The following CTNNA3 variants were observed in gnomAD, a reference collection of about 807,000 sequenced individuals.
The protein encoded by CTNNA3 is catenin alpha 3.
A neutral mutation model predicts 95.7 loss-of-function variants in CTNNA3; 76 were observed. The ratio of observed to expected loss-of-function variants is 0.79; its 90% CI spans 0.66 to 0.96. The LOEUF (loss-of-function observed/expected upper bound fraction) is 0.96. Among genes scored for constraint, CTNNA3 ranks in the 40% least tolerant of loss-of-function variants. The pLI is 0.00. For synonymous variants in CTNNA3, 431 were observed against 374.4 expected, an observed-to-expected ratio of 1.15 and a Z score of -1.74; for missense variants, 1,191 against 1,089.8, an observed-to-expected ratio of 1.09 and a Z score of -1.31.
At chr10:67,610,829 T>G (rs1843432061) in intron 2 of CTNNA3, among the ~76,000 whole-genome samples, 1 of 152,346 alleles carries the variant, frequency 6.6e-6, no homozygotes, top group East Asian at 1.9e-4. Context: ...TTGCTAACTT[T>G]ACCTTTTGCC....
At chr10:66,142,962 G>A (rs1023977202) in intron 13 of CTNNA3, among the ~76,000 whole-genome samples, 168 of 152,176 alleles carry the variant, frequency 1.1e-3, no homozygotes, top group African/African-American at 3.9e-3. Context: ...AAATGTTTCT[G>A]ATTTCTGGCT....
At chr10:66,135,742 T>C (rs73312147) in intron 13 of CTNNA3, among the ~76,000 whole-genome samples, 3,305 of 152,242 alleles carry the variant, frequency 0.022, 119 homozygotes, top group African/African-American at 0.076. Flanking sequence ...AGACACCGCC[T>C]TTACTAAGTA....
chr10:67,107,667 TACAA>T (rs921377667), intron 7 of CTNNA3, among the ~76,000 whole-genome samples: 24 of 152,182 alleles, frequency 1.6e-4, no homozygotes, highest in African/African-American at 5.1e-4. Flanking sequence ...TGCTACATTT[TACAA>T]ACAAACAAAC....
intron 11 of CTNNA3, among the ~76,000 whole-genome samples, chr10:66,497,936 AATCT>A (rs1840153504): frequency 6.6e-6 from 1 of 152,260 alleles, no homozygotes; most frequent in African/African-American, 2.4e-5. Flanking sequence ...CCTTTTAGGA[AATCT>A]ATCTATCAAA....
intron 13 of CTNNA3, among the ~76,000 whole-genome samples, chr10:66,222,178 C>G (rs2088967790): frequency 6.6e-6 from 1 of 152,100 alleles, no homozygotes; most frequent in Admixed American, 6.5e-5. Context: ...TGTTAACTCT[C>G]TTAGTCTGAT....
intron 3 of CTNNA3, among the ~76,000 whole-genome samples, chr10:67,590,348 G>C (rs1362284076): frequency 6.6e-6 from 1 of 151,960 alleles, no homozygotes; most frequent in Non-Finnish European, 1.5e-5. Flanking sequence ...ATCTCATCAA[G>C]TACCTATCTT....
At chr10:66,973,189 T>C (rs1166851337) in intron 7 of CTNNA3, among the ~76,000 whole-genome samples, 1 of 152,188 alleles carries the variant, frequency 6.6e-6, no homozygotes, top group African/African-American at 2.4e-5. Context: ...TGAAAAATAA[T>C]TTTAAATCTC....
At chr10:66,250,234 G>A (rs565765769) in intron 13 of CTNNA3, among the ~76,000 whole-genome samples, 1 of 152,196 alleles carries the variant, frequency 6.6e-6, no homozygotes, top group Non-Finnish European at 1.5e-5. Flanking sequence ...TTGAATTCGT[G>A]GAGATAGAGG....
Position 66,318,433 on chromosome 10 carries a change from TC to T in CTNNA3, c.1733-37813del, listed in dbSNP as rs572520386. ...TCTTTGAGACAAGTGCACCTATCTT[TC>T]TTTGTATTCTGTCGTTGTGATCCAT... On this transcript the variant is annotated intron_variant, in intron 12 of 17. Transcript: ENST00000433211. Among the ~76,000 whole-genome samples the T allele has an allele frequency of 5.3e-5, 8 of 152,072 alleles. No individual in the cohort carries two copies. In the South Asian group the frequency reaches 1.7e-3, roughly 32 times the overall value.
intron 13 of CTNNA3, among the ~76,000 whole-genome samples, chr10:66,194,031 T>C (rs2086821355): frequency 6.6e-6 from 1 of 152,160 alleles, no homozygotes; most frequent in East Asian, 1.9e-4. Flanking sequence ...TAGCATATTC[T>C]GGAAACAGTA....
intron 9 of CTNNA3, among the ~76,000 whole-genome samples, chr10:66,753,673 G>GA (rs201950525): frequency 6.8e-6 from 1 of 147,746 alleles, no homozygotes; most frequent in African/African-American, 2.5e-5. Context: ...AAAAAAAAAA[G>GA]AAAATATATA....
chr10:66,900,389 G>A (rs967968050), intron 7 of CTNNA3, among the ~76,000 whole-genome samples: 1 of 152,086 alleles, frequency 6.6e-6, no homozygotes, highest in Non-Finnish European at 1.5e-5. Context: ...AAAGACCAAA[G>A]GTAGATAAAA....
intron 5 of CTNNA3, among the ~76,000 whole-genome samples, chr10:67,381,398 T>C (rs1403658640): frequency 6.6e-6 from 1 of 152,172 alleles, no homozygotes; most frequent in Non-Finnish European, 1.5e-5. Flanking sequence ...CAAAAGACTC[T>C]ATTTTGTGTT....
chr10:67,699,446 C>T (rs994855059), upstream of CTNNA3, among the ~76,000 whole-genome samples: 1 of 152,218 alleles, frequency 6.6e-6, no homozygotes, highest in Admixed American at 6.5e-5. Flanking sequence ...CACATCCTAA[C>T]CTATGGCTTC....
chr10:67,116,667 G>A (rs1198656619), intron 7 of CTNNA3, among the ~76,000 whole-genome samples: 1 of 150,322 alleles, frequency 6.7e-6, no homozygotes, highest in Non-Finnish European at 1.5e-5. Flanking sequence ...AGAACAGCCA[G>A]TTGAAATAAA....
At chr10:65,993,181 T>G (rs1438928264) in intron 15 of CTNNA3, among the ~76,000 whole-genome samples, 1 of 152,242 alleles carries the variant, frequency 6.6e-6, no homozygotes, top group Non-Finnish European at 1.5e-5. Context: ...TCCTACAGGA[T>G]GTCTATGTGG....
intron 6 of CTNNA3, among the ~76,000 whole-genome samples, chr10:67,218,951 T>C (rs547193569): frequency 6.6e-6 from 1 of 152,164 alleles, no homozygotes; most frequent in Non-Finnish European, 1.5e-5. Context: ...AAAGCCAAAG[T>C]CCTTAAAGGC....
chr10:66,634,244 T>A (rs189643294), intron 9 of CTNNA3, among the ~76,000 whole-genome samples: 1 of 152,298 alleles, frequency 6.6e-6, no homozygotes, highest in African/African-American at 2.4e-5. Flanking sequence ...ATCATGACAC[T>A]TATTGCGAAG....
chr10:66,324,478 A>T (rs2092229387), intron 12 of CTNNA3, among the ~76,000 whole-genome samples: 1 of 152,166 alleles, frequency 6.6e-6, no homozygotes, highest in Non-Finnish European at 1.5e-5. Flanking sequence ...GAACTGGTTA[A>T]CACTTAAAGC....
Sources: gnomAD v4.1 joint callset for allele counts (sites outside exome capture counted in the v4.1 genomes callset) on GRCh38, gnomAD v4.1.1 for gene constraint, MANE v1.5 for transcripts, NCBI Gene and HGNC (gene_info 2026-07-23, HGNC 2026-07-21) for gene names.